Variants in ASMT observed in about 807,000 individuals in gnomAD.
The protein encoded by ASMT is acetylserotonin O-methyltransferase, also known as acetylserotonin N-methyltransferase.
In ASMT, 53 loss-of-function variants were observed where a neutral mutation model predicts 41.3. That is an observed-to-expected ratio of 1.28 (90% CI 1.03 to 1.61). The LOEUF is 1.61. Ranked by LOEUF, ASMT falls within the 40% of genes most tolerant of loss-of-function variation. The pLI is 0.00. For synonymous variants in ASMT, 231 were observed against 184.8 expected (o/e 1.25, Z -2.03); for missense variants, 531 against 441.3 (o/e 1.20, Z -1.82).
intron 7 of ASMT, among the ~76,000 whole-genome samples, chrX:1,635,124 A>G (rs4363378): frequency 0.6 from 87,190 of 146,118 alleles, 27,092 homozygotes; most frequent in East Asian, 0.83. Flanking sequence ...ACAGGCGCCC[A>G]CCACCACGCC....
Position 1,630,723 on chromosome X carries a change from A to T in ASMT, c.562+784A>T, listed in dbSNP as rs748542047. 4.0e-5 allele frequency among the ~76,000 whole-genome samples: 6 copies of T among 151,898 alleles called. No individual in the cohort carries two copies. The East Asian group carries it at 1.2e-3, about 30-fold the overall frequency. On this transcript the variant is annotated intron_variant, in intron 5 of 8. Coordinates refer to ENST00000381241, the MANE Select transcript of ASMT (RefSeq NM_001171038.2). ...AGATGACTGCCGCCACACCTAGCTC[A>T]TTTAAAAACTTTTCTGTAGAGCCTG...
Position 1,627,725 on chromosome X carries a change from G to T in ASMT, c.397G>T (p.Glu133Ter), listed in dbSNP as rs1923738916. ...TAGAGAAGGAAGGAACCAGTACCTG[G>T]AGACGTTTGGCGTTCCCGCTGAAGA... ...AVREGRNQYL[E>*]TFGVPAEELF... The change falls in exon 4 of 9, where the codon GAG (glutamate) becomes TAG (stop). Residue 133 changes from glutamate (E) to a stop codon, truncating the protein, a stop_gained. Transcript: ENST00000381241. LOFTEE classifies it high-confidence loss of function. 6.2e-7 allele frequency: 1 copy of T among 1,613,982 alleles called. No individual in the cohort carries two copies. The highest frequency in any genetic ancestry group is 8.5e-7 in the Non-Finnish European group (1 of 1,179,852).
chrX:1,635,818 G>C (rs1934937088), intron 7 of ASMT, among the ~76,000 whole-genome samples: 2 of 151,614 alleles, frequency 1.3e-5, no homozygotes, highest in Non-Finnish European at 2.9e-5. Flanking sequence ...GCTGAGATCA[G>C]GCCCTTGCAC....
At chrX:1,633,535 G>C (rs1210441740) in intron 7 of ASMT, among the ~76,000 whole-genome samples, 1 of 152,002 alleles carries the variant, frequency 6.6e-6, no homozygotes, top group Non-Finnish European at 1.5e-5. Flanking sequence ...GAGTGCAGTG[G>C]TGCAGTCTCG....
At chrX:1,624,022 G>A (rs1288312552) in intron 2 of ASMT, among the ~76,000 whole-genome samples, 3 of 152,018 alleles carry the variant, frequency 2.0e-5, no homozygotes, top group African/African-American at 4.8e-5. Context: ...CTTTGTACTT[G>A]CTGCACCCAA....
intron 3 of ASMT, 70 bp from the exon 4 acceptor site, chrX:1,627,633 C>CGAGAT (rs1934602166): frequency 8.4e-7 from 1 of 1,195,990 alleles, no homozygotes; most frequent in Non-Finnish European, 1.2e-6. Flanking sequence ...CGAAATGAAA[C>CGAGAT]GAAATGAAAT....
chrX:1,615,811 C>A (rs1321973399), intron 1 of ASMT, among the ~76,000 whole-genome samples: 5 of 150,850 alleles, frequency 3.3e-5, no homozygotes, highest in African/African-American at 4.9e-5. Context: ...CAAAAAAAAA[C>A]CAAACAAACA....
chrX:1,642,720 G>A, intron 8 of ASMT, 83 bp from the exon 9 acceptor site: 1 of 1,305,266 alleles, frequency 7.7e-7, no homozygotes. Context: ...CTGAGGTCTG[G>A]CTGTCCTTAT....
At chrX:1,634,760 G>A (rs1328580650) in intron 7 of ASMT, among the ~76,000 whole-genome samples, 1 of 150,934 alleles carries the variant, frequency 6.6e-6, no homozygotes, top group Non-Finnish European at 1.5e-5. Flanking sequence ...TGCCTCCCAG[G>A]TTCAAGCAAT....
At chrX:1,619,798 A>G (rs1301669556) in intron 1 of ASMT, among the ~76,000 whole-genome samples, 1 of 151,816 alleles carries the variant, frequency 6.6e-6, no homozygotes, top group East Asian at 1.9e-4. Context: ...CTAATTTAAA[A>G]AGGTTAATAC....
rs1354388754 is a variant in ASMT, at chrX:1,629,852, G to A, written c.475G>A (p.Ala159Thr). 1.9e-6 allele frequency: 3 copies of A among 1,613,974 alleles called. No homozygotes were observed. In the South Asian group the frequency reaches 3.3e-5, roughly 18 times the overall value. Residue 159 changes from alanine (A) to threonine (T), a missense_variant, in exon 5 of 9, where the codon GCT becomes ACT. Physicochemically the swap from Ala to Thr is moderately conservative, Grantham distance 58 (BLOSUM62 0). Transcript: ENST00000381241. ...SEGERLQFMQ[A>T]LQEVWSVNGR... ...GGGCGAGCGGCTACAGTTCATGCAA[G>A]CTCTGCAGGAGGTCTGGAGCGTCAA... is the stretch of plus-strand genomic sequence containing the variant.
chrX:1,616,101 T>C (rs1472950761), intron 1 of ASMT, among the ~76,000 whole-genome samples: 1 of 151,400 alleles, frequency 6.6e-6, no homozygotes, highest in South Asian at 2.1e-4. Flanking sequence ...CGGTCTTGGC[T>C]CACTGCAACC....
At position 1,629,826 on chromosome X, in the gene ASMT, A is replaced by G. The variant is rs768323869; in HGVS notation, c.449A>G (p.Glu150Gly). 6.8e-6 allele frequency: 11 copies of G among 1,613,712 alleles called. No homozygotes were observed. The highest frequency in any genetic ancestry group is 9.3e-6 in the Non-Finnish European group (11 of 1,179,844). The change falls in exon 5 of 9, where the codon GAG (glutamate) becomes GGG (glycine). Residue 150 changes from glutamate to glycine, a missense_variant. By Grantham distance (98) the Glu-to-Gly change is moderately conservative. Transcript: ENST00000381241. ...AGCGTGGTTTTGCATGCCAGGTCCG[A>G]GGGCGAGCGGCTACAGTTCATGCAA... is the stretch of plus-strand genomic sequence containing the variant. The part of the protein sequence containing the change: ...EELFTAIYRS[E>G]GERLQFMQAL...
intron 1 of ASMT, among the ~76,000 whole-genome samples, chrX:1,618,816 AC>A (rs1274915141): frequency 6.6e-6 from 1 of 152,166 alleles, no homozygotes; most frequent in Non-Finnish European, 1.5e-5. Flanking sequence ...GCCTCCTTTG[AC>A]CGCAGGCCTC....
At chrX:1,640,553 C>T (rs1603461902) in intron 8 of ASMT, among the ~76,000 whole-genome samples, 1 of 53,080 alleles carries the variant, frequency 1.9e-5, no homozygotes, top group African/African-American at 1.3e-4. Flanking sequence ...GGACAGTGTC[C>T]CAGTGTCCTG....
chrX:1,627,882 C>G (rs1462651240), intron 4 of ASMT, 111 bp downstream of exon 4: 17 of 1,049,774 alleles, frequency 1.6e-5, no homozygotes, highest in Admixed American at 1.1e-4. Flanking sequence ...GAGGAAGCTG[C>G]CATTTAATTT....
chrX:1,619,121 C>T (rs1934242148), intron 1 of ASMT, among the ~76,000 whole-genome samples: 1 of 152,070 alleles, frequency 6.6e-6, no homozygotes, highest in Non-Finnish European at 1.5e-5. Context: ...CTTGGCCAGG[C>T]ACAGTGGCTC....
At position 1,623,245 on chromosome X, in the gene ASMT, G is replaced by A; in HGVS notation, c.176G>A (p.Gly59Glu). The change falls in exon 2 of 9, where the codon GGG becomes GAG. Residue 59 changes from glycine (G) to glutamate (E), a missense_variant. Transcript: ENST00000381241. ...GCAGGTGTGAGGGCCAGCGCCCATG[G>A]GACAGAGCTCCTGCTGGACATCTGT... ...VAAGVRASAH[G>E]TELLLDICVS... is the part of the protein sequence containing the mutation. The A allele has an allele frequency of 6.2e-7, 1 of 1,613,828 alleles. No individual in the cohort carries two copies.
intron 4 of ASMT, 147 bp from the exon 5 acceptor site, chrX:1,629,674 T>C: frequency 2.4e-6 from 2 of 817,740 alleles, no homozygotes; most frequent in South Asian, 2.7e-5. Flanking sequence ...CCATCCCGAA[T>C]GACTTCCTGT....
Sources: allele counts gnomAD v4.1 joint callset (sites outside exome capture counted in the v4.1 genomes callset), GRCh38; gene constraint gnomAD v4.1.1; transcripts MANE v1.5; gene names NCBI Gene and HGNC (gene_info 2026-07-23, HGNC 2026-07-21).